Variants in SLC25A12 observed in about 807,000 individuals in gnomAD.
SLC25A12 encodes the protein electrogenic aspartate/glutamate antiporter SLC25A12, mitochondrial.
Under a neutral mutation model 83.3 loss-of-function variants are expected in SLC25A12, and 32 were observed. The observed-to-expected ratio is 0.38, with a 90% CI of 0.29 to 0.52. SLC25A12 has a LOEUF of 0.52. SLC25A12 is among the 20% of genes least tolerant of loss of function. The probability of loss-of-function intolerance (pLI) is 0.84; values close to 1 mark genes in which losing one functional copy is unlikely to be tolerated. For missense variants in SLC25A12, 611 were observed against 835.6 expected (o/e 0.73, Z 3.31); for synonymous variants, 267 against 291.1 (o/e 0.92, Z 0.84).
At chr2:171,785,533 C>T (rs924421878) in intron 17 of SLC25A12, 58 bp from the exon 18 acceptor site, 21 of 1,512,964 alleles carry the variant, frequency 1.4e-5, no homozygotes, top group African/African-American at 2.7e-5. Flanking sequence ...GCGCAGCTTA[C>T]AGCTGGACAT....
At chr2:171,790,678 A>G (rs1441576981) in intron 15 of SLC25A12, among the ~76,000 whole-genome samples, 6 of 152,226 alleles carry the variant, frequency 3.9e-5, no homozygotes, top group Non-Finnish European at 8.8e-5. Context: ...TACAGAGGAT[A>G]ACAATTATGC....
chr2:171,788,304 G>T lies in SLC25A12; in HGVS notation c.1586-357C>A, dbSNP rs941556362. On this transcript the variant is annotated intron_variant, in intron 15 of 17. Transcript: ENST00000422440. ...CCTTTTTTTCTTAAATAAGATACAA[G>T]TATTTTTATGTATAAAAAAATGATA... 1.8e-5 allele frequency: 4 copies of T among 224,678 alleles called. No individual in the cohort carries two copies. The East Asian group carries it at 3.6e-4, about 20-fold the overall frequency. The allele number at this position is 224,678 out of a possible 1,614,324, so 13.9% of individuals were successfully genotyped here.
chr2:171,860,833 G>A (rs900406196), intron 3 of SLC25A12, among the ~76,000 whole-genome samples: 9 of 152,112 alleles, frequency 5.9e-5, no homozygotes, highest in South Asian at 2.1e-4. Flanking sequence ...TGTAATCCCA[G>A]CACTTGGGAA....
chr2:171,845,591 C>A (rs949853319), intron 4 of SLC25A12: 19 of 162,660 alleles, frequency 1.2e-4, no homozygotes, highest in Middle Eastern at 6.4e-4. Context: ...TCTGCAAATT[C>A]TTTAAATAAG....
chr2:171,844,123 C>T (rs1558928427), intron 5 of SLC25A12, among the ~76,000 whole-genome samples: 2 of 151,808 alleles, frequency 1.3e-5, no homozygotes. Flanking sequence ...AGTTAGGATA[C>T]AATTAAAAAG....
chr2:171,845,484 A>G (rs1407216502), intron 4 of SLC25A12, among the ~76,000 whole-genome samples: 1 of 152,206 alleles, frequency 6.6e-6, no homozygotes, highest in Non-Finnish European at 1.5e-5. Flanking sequence ...TTTATTAGTG[A>G]AAGAGTTTTG....
intron 13 of SLC25A12, among the ~76,000 whole-genome samples, chr2:171,805,558 TA>T: frequency 6.6e-6 from 1 of 152,362 alleles, no homozygotes; most frequent in Non-Finnish European, 1.5e-5. Flanking sequence ...TTTTGATATT[TA>T]CTAAGTCAAA....
intron 2 of SLC25A12, among the ~76,000 whole-genome samples, chr2:171,890,477 CTGTGTGTGTGTG>C (rs34728188): frequency 2.0e-5 from 3 of 149,206 alleles, no homozygotes; most frequent in Non-Finnish European, 4.5e-5. Flanking sequence ...TCGTGTGTGT[CTGTGTGTGTGTG>C]TGTGTGTGTG....
intron 13 of SLC25A12, among the ~76,000 whole-genome samples, chr2:171,804,108 C>CATA (rs1310128379): frequency 2.0e-5 from 3 of 152,068 alleles, no homozygotes; most frequent in Non-Finnish European, 4.4e-5. Flanking sequence ...AATGAATGAA[C>CATA]AAACTGTAGT....
intron 3 of SLC25A12, among the ~76,000 whole-genome samples, chr2:171,857,676 C>A (rs112402402): frequency 5.9e-5 from 9 of 151,962 alleles, no homozygotes; most frequent in South Asian, 2.1e-4. Flanking sequence ...CAGAGCCAGA[C>A]CCTGTTTAAA....
chr2:171,868,693 T>G lies in SLC25A12; in HGVS notation c.197A>C (p.Gln66Pro). The G allele has an allele frequency of 6.2e-7, 1 of 1,614,026 alleles. No homozygotes were observed. The highest frequency in any genetic ancestry group is 8.5e-7 in the Non-Finnish European group (1 of 1,179,868). Residue 66 changes from glutamine to proline, a missense_variant, in exon 3 of 18, where the codon CAA becomes CCA. Transcript: ENST00000422440. ...IVQLLAGVAD[Q>P]TKDGLISYQE... ...TGAAGATACTTACCCATCCTTGGTTTGATCAGCTACTCCTGCCAAGAGCTG... is the reference window on the plus strand; with the variant it reads ...TGAAGATACTTACCCATCCTTGGTTGGATCAGCTACTCCTGCCAAGAGCTG...
chr2:171,798,561 C>T (rs535541074), intron 13 of SLC25A12, among the ~76,000 whole-genome samples: 2 of 152,278 alleles, frequency 1.3e-5, no homozygotes, highest in South Asian at 4.1e-4. Context: ...CAGATGAACA[C>T]AGTATGTGCG....
At chr2:171,867,239 G>T (rs1331708561) in intron 3 of SLC25A12, among the ~76,000 whole-genome samples, 6 of 150,736 alleles carry the variant, frequency 4.0e-5, no homozygotes, top group Non-Finnish European at 8.9e-5. Flanking sequence ...GTGGCGGCCG[G>T]GCAGAGGCTG....
intron 13 of SLC25A12, among the ~76,000 whole-genome samples, chr2:171,797,536 T>G (rs1472208922): frequency 1.3e-5 from 2 of 152,214 alleles, no homozygotes; most frequent in Non-Finnish European, 2.9e-5. Context: ...AACATATGAA[T>G]GTATTAACTA....
At chr2:171,842,844 T>C (rs1049522748) in intron 5 of SLC25A12, among the ~76,000 whole-genome samples, 2 of 152,150 alleles carry the variant, frequency 1.3e-5, no homozygotes, top group South Asian at 4.1e-4. Context: ...ATTTTTTAGA[T>C]GGAGTCTCGC....
chr2:171,841,463 C>T (rs1684671835), intron 5 of SLC25A12, among the ~76,000 whole-genome samples: 1 of 152,078 alleles, frequency 6.6e-6, no homozygotes, highest in South Asian at 2.1e-4. Context: ...GCTTCTACCT[C>T]CCTGGGCTCA....
chr2:171,891,292 C>G (rs1475465548), intron 2 of SLC25A12, among the ~76,000 whole-genome samples: 1 of 151,646 alleles, frequency 6.6e-6, no homozygotes, highest in Non-Finnish European at 1.5e-5. Context: ...GAGCGAGACT[C>G]CATCTCAAAA....
chr2:171,810,710 T>TTGCCACAAACTA (rs71013074), intron 11 of SLC25A12, among the ~76,000 whole-genome samples: 119,775 of 151,882 alleles, frequency 0.79, 48,257 homozygotes, highest in East Asian at 0.89. Flanking sequence ...TACCCAGATT[T>TTGCCACAAACTA]TGCTACCTAC....
intron 3 of SLC25A12, among the ~76,000 whole-genome samples, chr2:171,867,424 A>G (rs1685356351): frequency 6.6e-6 from 1 of 152,164 alleles, no homozygotes; most frequent in Non-Finnish European, 1.5e-5. Context: ...CGCGGTTAGG[A>G]GCTGGAGACC....
Sources: gnomAD v4.1 joint callset for allele counts (sites outside exome capture counted in the v4.1 genomes callset) on GRCh38, gnomAD v4.1.1 for gene constraint, MANE v1.5 for transcripts, NCBI Gene and HGNC (gene_info 2026-07-23, HGNC 2026-07-21) for gene names.